The following PPP3CB variants were observed in gnomAD, a reference collection of about 807,000 sequenced individuals.
The protein encoded by PPP3CB is serine/threonine-protein phosphatase 2B catalytic subunit beta isoform.
PPP3CB carries 8 observed loss-of-function variants against 66.4 expected under a neutral mutation model. The ratio of observed to expected loss-of-function variants is 0.12; its 90% CI spans 0.07 to 0.22. The LOEUF is 0.22. Ranked by LOEUF, PPP3CB falls within the 10% of genes least tolerant of loss-of-function variation. The pLI is 1.00. For missense variants in PPP3CB, 319 were observed against 642.5 expected, an observed-to-expected ratio of 0.50 and a Z score of 5.44; for synonymous variants, 208 against 221.2, an observed-to-expected ratio of 0.94 and a Z score of 0.53.
chr10:73,446,678 C>T (rs1332215485), intron 10 of PPP3CB, 105 bp from the exon 11 acceptor site: 3 of 1,030,298 alleles, frequency 2.9e-6, no homozygotes, highest in Non-Finnish European at 4.5e-6. Context: ...GTACCAAGAC[C>T]CCTGCCACCA....
chr10:73,444,285 T>C (rs546778717), intron 12 of PPP3CB: 1 of 255,228 alleles, frequency 3.9e-6, no homozygotes, highest in African/African-American at 2.2e-5. Flanking sequence ...TAAGTAGTTT[T>C]AAATATAAGC....
Position 73,438,123 on chromosome 10 carries a change from C to T in PPP3CB, c.*119G>A. On this transcript the variant is annotated 3_prime_UTR_variant, in exon 14 of 14. Coordinates refer to ENST00000360663, the MANE Select transcript of PPP3CB (RefSeq NM_021132.4). ...AGGAAGGGGGCTAGGGTCTCAGAAG[C>T]ACAATGGTTTCTTCAGAGAGACTGT... 9.8e-7 allele frequency: 1 copy of T among 1,016,876 alleles called. No homozygotes were observed. The highest frequency in any genetic ancestry group is 1.4e-6 in the Non-Finnish European group (1 of 704,004). 63.0% of individuals were successfully genotyped at this position (1,016,876 alleles called of 1,614,324 possible). A position where few individuals can be genotyped will look rare whatever the true frequency, so the allele number is the denominator to read the frequency against.
chr10:73,476,194 C>T (rs925574082), intron 3 of PPP3CB, among the ~76,000 whole-genome samples: 4 of 152,118 alleles, frequency 2.6e-5, no homozygotes, highest in African/African-American at 9.7e-5. Context: ...TATATCTAAA[C>T]ATGTAACTAT....
At chr10:73,489,789 C>T (rs1016549977) in intron 1 of PPP3CB, among the ~76,000 whole-genome samples, 1 of 152,170 alleles carries the variant, frequency 6.6e-6, no homozygotes, top group Non-Finnish European at 1.5e-5. Context: ...TTGCCAAGCA[C>T]TTCACATACT....
intron 10 of PPP3CB, among the ~76,000 whole-genome samples, chr10:73,451,440 T>C (rs1440006228): frequency 6.6e-6 from 1 of 152,082 alleles, no homozygotes; most frequent in Non-Finnish European, 1.5e-5. Context: ...GATGTATTAA[T>C]TTAACTTGAT....
At chr10:73,472,476 C>G (rs945292148) in intron 4 of PPP3CB, among the ~76,000 whole-genome samples, 49 of 144,906 alleles carry the variant, frequency 3.4e-4, no homozygotes, top group African/African-American at 1.3e-3. Context: ...GCCTGGGCGA[C>G]AGAGCAAGAC....
chr10:73,445,650 T>C (rs2056236056), intron 11 of PPP3CB, among the ~76,000 whole-genome samples: 1 of 151,944 alleles, frequency 6.6e-6, no homozygotes, highest in Non-Finnish European at 1.5e-5. Flanking sequence ...GGTTTCGCCA[T>C]GTTTCCTAGC....
intron 1 of PPP3CB, among the ~76,000 whole-genome samples, chr10:73,491,260 A>C (rs2057074020): frequency 6.7e-6 from 1 of 149,086 alleles, no homozygotes. Flanking sequence ...CGAACTCCTG[A>C]TCTCGTGATC....
intron 9 of PPP3CB, among the ~76,000 whole-genome samples, chr10:73,465,145 G>C (rs906479639): frequency 6.6e-6 from 1 of 152,046 alleles, no homozygotes; most frequent in Non-Finnish European, 1.5e-5. Context: ...AATTGTTGAA[G>C]ATGAATAATT....
chr10:73,464,657 G>C (rs2132892086), intron 9 of PPP3CB, among the ~76,000 whole-genome samples: 1 of 152,104 alleles, frequency 6.6e-6, no homozygotes, highest in African/African-American at 2.4e-5. Flanking sequence ...AAACGTTTTT[G>C]GCAGTGGCTC....
chr10:73,453,427 T>C (rs1348285043), intron 10 of PPP3CB, among the ~76,000 whole-genome samples: 2 of 152,172 alleles, frequency 1.3e-5, no homozygotes, highest in African/African-American at 4.8e-5. Context: ...TGTGTGTATA[T>C]ATATATTTTT....
chr10:73,461,467 T>A (rs561787779), intron 9 of PPP3CB, among the ~76,000 whole-genome samples: 5 of 151,952 alleles, frequency 3.3e-5, no homozygotes, highest in Admixed American at 1.3e-4. Context: ...AAAAAAAAAA[T>A]TTAATGACTG....
chr10:73,471,489 G>A lies in PPP3CB; in HGVS notation c.648C>T (p.His216=). 2 of 1,610,136 alleles carry A rather than the reference G, an allele frequency of 1.2e-6. No homozygotes were observed. The highest frequency in any genetic ancestry group is 1.1e-5 in the South Asian group (1 of 90,060). Residue 216 remains histidine, a synonymous_variant, in exon 5 of 14, where the codon CAC becomes CAT. Transcript: ENST00000360663. ...TTACTCTCCTAATATCATCCAGTGT[G>A]TGTATTTCTGGTGAAAGTCCACCAT... ...CVHGGLSPEI[H]TLDDIRRLDR...
At chr10:73,483,139 C>G (rs988121229) in intron 1 of PPP3CB, among the ~76,000 whole-genome samples, 1 of 152,206 alleles carries the variant, frequency 6.6e-6, no homozygotes, top group African/African-American at 2.4e-5. Flanking sequence ...AAAGTATAAA[C>G]TGACTCCATG....
chr10:73,478,153 A>G (rs2056821064), intron 3 of PPP3CB, among the ~76,000 whole-genome samples: 1 of 152,242 alleles, frequency 6.6e-6, no homozygotes, highest in Admixed American at 6.5e-5. Flanking sequence ...ACAGAATTCA[A>G]GTAATCTTTT....
chr10:73,472,609 C>A (rs1459007957), intron 4 of PPP3CB, among the ~76,000 whole-genome samples: 1 of 151,984 alleles, frequency 6.6e-6, no homozygotes, highest in Non-Finnish European at 1.5e-5. Context: ...TTAATACTTG[C>A]TTTATTTTAT....
At chr10:73,465,557 G>A (rs568974364) in intron 9 of PPP3CB, among the ~76,000 whole-genome samples, 1 of 152,092 alleles carries the variant, frequency 6.6e-6, no homozygotes, top group African/African-American at 2.4e-5. Flanking sequence ...GCGAGACTCT[G>A]TCTCTATAAA....
Position 73,455,682 on chromosome 10 carries a change from C to T in PPP3CB, c.1109-1193G>A, listed in dbSNP as rs576299321. Reference sequence around the variant, plus strand: ...CTCCCGGGTTCACGCCATTCTCCTGCCTCAGCCTTTTGAGTAGCTGGGACT... The same window carrying T: ...CTCCCGGGTTCACGCCATTCTCCTGTCTCAGCCTTTTGAGTAGCTGGGACT... On this transcript the variant is annotated intron_variant, in intron 9 of 13. Transcript: ENST00000360663. 1.6e-4 allele frequency among the ~76,000 whole-genome samples: 24 copies of T among 152,288 alleles called. No homozygotes were observed. The South Asian group carries it at 5.0e-3, about 32-fold the overall frequency.
intron 12 of PPP3CB, among the ~76,000 whole-genome samples, chr10:73,441,458 G>T (rs1487527310): frequency 6.6e-6 from 1 of 152,122 alleles, no homozygotes; most frequent in Non-Finnish European, 1.5e-5. Context: ...TAAAAAATTA[G>T]CCGGGCATGG....
Sources: allele counts gnomAD v4.1 joint callset (sites outside exome capture counted in the v4.1 genomes callset), GRCh38; gene constraint gnomAD v4.1.1; transcripts MANE v1.5; gene names NCBI Gene and HGNC (gene_info 2026-07-23, HGNC 2026-07-21).